The following ARFGEF2 variants were observed in gnomAD, a reference collection of about 807,000 sequenced individuals.
ARFGEF2 encodes ARF guanine nucleotide exchange factor 2.
A neutral mutation model predicts 219.9 loss-of-function variants in ARFGEF2; 74 were observed. That is an observed-to-expected ratio of 0.34 (90% CI 0.28 to 0.41). The LOEUF (loss-of-function observed/expected upper bound fraction) is 0.41, where lower values mean the gene tolerates loss of function less well. ARFGEF2 is among the 10% of genes least tolerant of loss of function. The pLI is 1.00. For missense variants in ARFGEF2, 1,743 were observed against 2,218.3 expected (o/e 0.79, Z 4.30); for synonymous variants, 733 against 799.2 (o/e 0.92, Z 1.40).
intron 1 of ARFGEF2, among the ~76,000 whole-genome samples, chr20:48,923,384 A>G (rs575061594): frequency 1.3e-5 from 2 of 152,320 alleles, no homozygotes; most frequent in East Asian, 3.9e-4. Context: ...TGAACTTTGC[A>G]CTTCCCTGGA....
intron 3 of ARFGEF2, among the ~76,000 whole-genome samples, chr20:48,950,841 T>TATATATATATA: frequency 7.5e-6 from 1 of 133,268 alleles, no homozygotes; most frequent in African/African-American, 2.8e-5. Context: ...TATATATATA[T>TATATATATATA]ATATATGTAT....
chr20:49,010,838 T>C (rs1276320228), intron 27 of ARFGEF2, among the ~76,000 whole-genome samples: 1 of 152,238 alleles, frequency 6.6e-6, no homozygotes, highest in Non-Finnish European at 1.5e-5. Context: ...TTTGCCAACA[T>C]GTGCATGCAC....
intron 1 of ARFGEF2, among the ~76,000 whole-genome samples, chr20:48,931,748 G>A (rs556804719): frequency 1.1e-4 from 16 of 152,296 alleles, no homozygotes; most frequent in South Asian, 4.1e-4. Flanking sequence ...TGGTGTGTTC[G>A]AGCAAGTAGG....
chr20:49,022,931 G>T, intron 34 of ARFGEF2, 120 bp from the exon 35 acceptor site: 1 of 1,355,018 alleles, frequency 7.4e-7, no homozygotes, highest in South Asian at 1.2e-5. Flanking sequence ...CCTGGAGAAC[G>T]TAGTGAGACC....
chr20:48,931,607 C>T (rs2090913746), intron 1 of ARFGEF2, among the ~76,000 whole-genome samples: 1 of 151,132 alleles, frequency 6.6e-6, no homozygotes, highest in African/African-American at 2.4e-5. Flanking sequence ...CTGAGGAAGT[C>T]CCCTGAGGAG....
chr20:49,036,672 A>C lies in ARFGEF2; in HGVS notation c.*3473A>C, dbSNP rs1185664267. On this transcript the variant is annotated 3_prime_UTR_variant, in exon 39 of 39. Transcript: ENST00000371917. ...ATCCCATGCTTTGATCAGGTGGTAC[A>C]TCAATAAAATTTTAAAAAGTATAGC... is the stretch of plus-strand genomic sequence containing the variant. The C allele has an allele frequency of 6.5e-6, 1 of 153,682 alleles. No individual in the cohort carries two copies. The highest frequency in any genetic ancestry group is 1.9e-4 in the East Asian group (1 of 5,268). 9.5% of individuals were successfully genotyped at this position (153,682 alleles called of 1,614,324 possible). A position where few individuals can be genotyped will look rare whatever the true frequency, so the allele number is the denominator to read the frequency against.
chr20:48,973,555 C>G (rs1326729194), intron 12 of ARFGEF2, among the ~76,000 whole-genome samples: 2 of 152,136 alleles, frequency 1.3e-5, no homozygotes, highest in Non-Finnish European at 2.9e-5. Context: ...AGGGTAGTAT[C>G]CCTTAGAAGG....
chr20:48,957,508 T>C (rs779240992), intron 6 of ARFGEF2, among the ~76,000 whole-genome samples: 9 of 152,122 alleles, frequency 5.9e-5, no homozygotes, highest in Non-Finnish European at 1.0e-4. Flanking sequence ...GCCTAATCAG[T>C]AGTGGTGGTG....
chr20:48,997,553 A>G (rs561026627), intron 23 of ARFGEF2, among the ~76,000 whole-genome samples: 2 of 152,266 alleles, frequency 1.3e-5, no homozygotes, highest in African/African-American at 2.4e-5. Flanking sequence ...GATTGCAGGC[A>G]TGAGCCACTG....
intron 26 of ARFGEF2, 107 bp from the exon 27 acceptor site, chr20:49,010,125 T>A: frequency 7.3e-7 from 1 of 1,373,878 alleles, no homozygotes; most frequent in Non-Finnish European, 1.0e-6. Context: ...TGGATTGCTG[T>A]GTGCTATAAG....
chr20:49,010,246 G>A lies in ARFGEF2; in HGVS notation c.3599G>A (p.Arg1200Gln), dbSNP rs1180535589. 10 of 1,613,760 alleles carry A rather than the reference G, an allele frequency of 6.2e-6. No individual in the cohort carries two copies. The Admixed American group carries it at 6.7e-5, about 11-fold the overall frequency. Residue 1200 changes from arginine (R) to glutamine (Q), a missense_variant, in exon 27 of 39, where the codon CGG becomes CAG. Around this residue, in one of 5 missense-constraint regions of ARFGEF2, gnomAD observed 102 missense variants for 146.8 expected, o/e 0.69. Transcript: ENST00000371917. ...IMKKNRSPTI[R>Q]DMAIRCIAQM... ...TCTTTCCTCAGGTCTCCCACCATCC[G>A]GGACATGGCGATCCGCTGCATTGCC...
In ARFGEF2 at chr20:49,025,701, C is replaced by T. The variant is rs139735414; in HGVS notation, c.4924+220C>T. Among the ~76,000 whole-genome samples the T allele has an allele frequency of 1.3e-3, 199 of 152,268 alleles. 1 individual carries two copies. Among genetic ancestry groups the T allele is most frequent in the African/African-American group, 4.3e-3 (179 of 41,542 alleles). On this transcript the variant is annotated intron_variant, in intron 36 of 38. Transcript: ENST00000371917. ...TAAAAAGACAAATTGAGGCCGGATG[C>T]GGTGGTCCATGCCTGTAATCCCAAC...
chr20:48,953,582 A>C lies in ARFGEF2; in HGVS notation c.630A>C (p.Lys210Asn). 6.2e-7 allele frequency: 1 copy of C among 1,614,066 alleles called. No individual in the cohort carries two copies. Among genetic ancestry groups the C allele is most frequent in the Non-Finnish European group, 8.5e-7 (1 of 1,179,996 alleles). ...QVLQEARELE[K>N]PIQSKPQSPV... is the part of the protein sequence containing the mutation. Reference sequence around the variant, plus strand: ...TGCAGGAGGCCAGAGAACTGGAAAAACCAATCCAGTCAAAACCCCAGTCCC... The same window carrying C: ...TGCAGGAGGCCAGAGAACTGGAAAACCCAATCCAGTCAAAACCCCAGTCCC... Residue 210 changes from lysine to asparagine, a missense_variant, in exon 6 of 39, where the codon AAA (lysine) becomes AAC (asparagine). Lys to Asn is a moderately conservative substitution (Grantham distance 94). Coordinates refer to ENST00000371917, the MANE Select transcript of ARFGEF2 (RefSeq NM_006420.3).
intron 1 of ARFGEF2, among the ~76,000 whole-genome samples, chr20:48,932,601 G>A (rs939710902): frequency 6.6e-6 from 1 of 152,166 alleles, no homozygotes; most frequent in Non-Finnish European, 1.5e-5. Context: ...TATTGATTGC[G>A]TGTCATCTGA....
intron 1 of ARFGEF2, among the ~76,000 whole-genome samples, chr20:48,940,681 C>G (rs1019761402): frequency 2.6e-5 from 4 of 152,156 alleles, no homozygotes; most frequent in East Asian, 1.9e-4. Flanking sequence ...ACCTCCTGTG[C>G]CTTGGTTTCC....
intron 26 of ARFGEF2, among the ~76,000 whole-genome samples, chr20:49,009,769 G>A (rs2091484834): frequency 6.6e-6 from 1 of 152,088 alleles, no homozygotes; most frequent in African/African-American, 2.4e-5. Flanking sequence ...AAAATCTTAA[G>A]AAGATACACA....
In ARFGEF2 at chr20:48,941,910, A is replaced by G; in HGVS notation, c.199A>G (p.Lys67Glu). 6.2e-7 allele frequency: 1 copy of G among 1,614,226 alleles called. No homozygotes were observed. The highest frequency in any genetic ancestry group is 8.5e-7 in the Non-Finnish European group (1 of 1,180,034). ...AAAGGCAAACTTCATTGAAGCTGAC[A>G]AGTATTTTCTTCCATTCGAGCTAGC... ...PPKANFIEAD[K>E]YFLPFELACQ... is the part of the protein sequence containing the mutation. Residue 67 changes from lysine to glutamate, a missense_variant, in exon 3 of 39, where the codon AAG becomes GAG. By Grantham distance (56) the Lys-to-Glu change is moderately conservative. Transcript: ENST00000371917.
rs1463578630 is a variant in ARFGEF2, at chr20:49,011,917, C to T, written c.3758-7C>T. ...TCTTATGAAAAATGTGCCTTGTGTT[C>T]CCCCAGCAACTATTTTCCAGCACCA... On this transcript the variant is annotated splice_region_variant and splice_polypyrimidine_tract_variant and intron_variant, in intron 27 of 38. Transcript: ENST00000371917. The T allele has an allele frequency of 1.7e-5, 28 of 1,613,108 alleles. No homozygotes were observed. Among genetic ancestry groups the T allele is most frequent in the Non-Finnish European group, 2.4e-5 (28 of 1,179,302 alleles).
intron 6 of ARFGEF2, among the ~76,000 whole-genome samples, chr20:48,960,857 A>G (rs1262131864): frequency 6.0e-5 from 9 of 150,858 alleles, no homozygotes; most frequent in African/African-American, 9.7e-5. Context: ...CGAGGCAGGC[A>G]GATCACGAGG....
Sources: allele counts gnomAD v4.1 joint callset (sites outside exome capture counted in the v4.1 genomes callset), GRCh38; gene constraint gnomAD v4.1.1; regional missense constraint gnomAD v4.1.1; transcripts MANE v1.5; gene names NCBI Gene and HGNC (gene_info 2026-07-23, HGNC 2026-07-21).